CUEDC1: variants seen among roughly 807,000 people sequenced by gnomAD.
CUEDC1 encodes the protein CUE domain containing 1.
Under a neutral mutation model 43.7 loss-of-function variants are expected in CUEDC1, and 30 were observed. That is an observed-to-expected ratio of 0.69 (90% CI 0.51 to 0.93). The LOEUF (loss-of-function observed/expected upper bound fraction) is 0.93. Ranked by LOEUF, CUEDC1 falls within the 40% of genes least tolerant of loss-of-function variation. The probability of loss-of-function intolerance (pLI) is 0.00; values close to 1 mark genes in which losing one functional copy is unlikely to be tolerated. For synonymous variants in CUEDC1, 223 were observed against 223.6 expected (o/e 1.00, Z 0.02); for missense variants, 486 against 549.0 (o/e 0.89, Z 1.15).
intron 2 of CUEDC1, among the ~76,000 whole-genome samples, chr17:57,880,898 A>G (rs1455248035): frequency 6.6e-6 from 1 of 152,144 alleles, no homozygotes; most frequent in Admixed American, 6.5e-5. Context: ...CCTGGCCTAC[A>G]CCTTCGCCTC....
chr17:57,889,021 G>A (rs1030655083), intron 1 of CUEDC1, among the ~76,000 whole-genome samples: 2 of 152,106 alleles, frequency 1.3e-5, no homozygotes, highest in African/African-American at 4.8e-5. Flanking sequence ...TCTGAGTGTT[G>A]AGAAGCTCCA....
chr17:57,873,534 C>T lies in CUEDC1; in HGVS notation c.591+57G>A, dbSNP rs1568029923. On this transcript the variant is annotated intron_variant, in intron 4 of 10. Coordinates refer to ENST00000577830, the MANE Select transcript of CUEDC1 (RefSeq NM_001271875.2). ...AACTGGCTGGCACAAATTGTGTGGGCAAAGAGAGATGCTGGACAAGCAGGT... is the reference window on the plus strand; with the variant it reads ...AACTGGCTGGCACAAATTGTGTGGGTAAAGAGAGATGCTGGACAAGCAGGT... The T allele has an allele frequency of 3.4e-6, 5 of 1,488,380 alleles. No homozygotes were observed. The East Asian group carries it at 1.0e-4, about 30-fold the overall frequency. The allele number at this position is 1,488,380 out of a possible 1,614,324, so 92.2% of individuals were successfully genotyped here.
chr17:57,895,501 A>T (rs1473108094), intron 1 of CUEDC1, among the ~76,000 whole-genome samples: 1 of 152,178 alleles, frequency 6.6e-6, no homozygotes, highest in Non-Finnish European at 1.5e-5. Context: ...TTCCTCACAA[A>T]ACCTTTTTCC....
At chr17:57,886,185 G>A (rs576774729) in intron 1 of CUEDC1, among the ~76,000 whole-genome samples, 43 of 152,320 alleles carry the variant, frequency 2.8e-4, no homozygotes, top group African/African-American at 1.0e-3. Context: ...TTGCAGATGG[G>A]AAAAGTGAGG....
chr17:57,906,588 G>A (rs767965159), intron 1 of CUEDC1, among the ~76,000 whole-genome samples: 40 of 152,140 alleles, frequency 2.6e-4, no homozygotes, highest in African/African-American at 8.2e-4. Flanking sequence ...TGAATTATAC[G>A]CTTAAAAATG....
intron 9 of CUEDC1, chr17:57,866,942 G>A (rs1383505044): frequency 2.8e-6 from 1 of 352,040 alleles, no homozygotes; most frequent in Non-Finnish European, 5.3e-6. Context: ...CTGAGGCAGA[G>A]TCTTCTGGCC....
chr17:57,952,360 G>T (rs2075015205), intron 1 of CUEDC1, among the ~76,000 whole-genome samples: 1 of 151,944 alleles, frequency 6.6e-6, no homozygotes, highest in South Asian at 2.1e-4. Flanking sequence ...CTGAGTAGCT[G>T]GGATTACAGG....
chr17:57,886,979 C>G (rs1360536907), intron 1 of CUEDC1, among the ~76,000 whole-genome samples: 1 of 151,856 alleles, frequency 6.6e-6, no homozygotes, highest in Non-Finnish European at 1.5e-5. Flanking sequence ...CCACCACACC[C>G]GGCTAATTTT....
intron 1 of CUEDC1, among the ~76,000 whole-genome samples, chr17:57,915,806 C>T (rs1181694619): frequency 3.9e-5 from 6 of 152,102 alleles, no homozygotes; most frequent in Admixed American, 2.0e-4. Flanking sequence ...CCTGGGAAGG[C>T]GGAACAAGCT....
chr17:57,885,579 T>C lies in CUEDC1; in HGVS notation c.-15A>G. 1.5e-6 allele frequency: 2 copies of C among 1,346,536 alleles called. No homozygotes were observed. The highest frequency in any genetic ancestry group is 1.5e-5 in the African/African-American group (1 of 64,868). The allele number at this position is 1,346,536 out of a possible 1,614,324, so 83.4% of individuals were successfully genotyped here. On this transcript the variant is annotated 5_prime_UTR_variant, in exon 2 of 11. Coordinates refer to ENST00000577830, the MANE Select transcript of CUEDC1 (RefSeq NM_001271875.2). ...AGGCTGGTCATTTTGCGGAGCCGCT[T>C]GGGGAAAATGTTTCTAGCCGGCCGC... is the stretch of plus-strand genomic sequence containing the variant.
chr17:57,913,732 C>A (rs570659156), intron 1 of CUEDC1, among the ~76,000 whole-genome samples: 120 of 152,286 alleles, frequency 7.9e-4, no homozygotes, highest in African/African-American at 2.8e-3. Flanking sequence ...ACTGACCAGT[C>A]CTCCAGGGAC....
intron 1 of CUEDC1, among the ~76,000 whole-genome samples, chr17:57,909,824 G>A (rs140153053): frequency 1.3e-4 from 20 of 152,368 alleles, no homozygotes; most frequent in Admixed American, 3.9e-4. Flanking sequence ...CAGAGCAATG[G>A]GGAGGAGTCA....
chr17:57,946,597 C>T (rs79429449), intron 1 of CUEDC1, among the ~76,000 whole-genome samples: 6,119 of 151,990 alleles, frequency 0.04, 132 homozygotes, highest in African/African-American at 0.06. Flanking sequence ...AATGCTGCAC[C>T]GTAGAGGCTG....
intron 1 of CUEDC1, among the ~76,000 whole-genome samples, chr17:57,936,611 G>A (rs535144892): frequency 3.3e-4 from 50 of 152,250 alleles, no homozygotes; most frequent in African/African-American, 1.2e-3. Context: ...GCTGGCTCCA[G>A]GGCTGTTTCC....
intron 10 of CUEDC1, among the ~76,000 whole-genome samples, chr17:57,865,801 G>A (rs2073947915): frequency 6.6e-6 from 1 of 150,996 alleles, no homozygotes; most frequent in Admixed American, 6.6e-5. Flanking sequence ...GCCGGGTTGA[G>A]ACCACCTCAG....
chr17:57,942,377 C>CGTTT (rs935074852), intron 1 of CUEDC1, among the ~76,000 whole-genome samples: 29 of 151,860 alleles, frequency 1.9e-4, no homozygotes, highest in Admixed American at 3.9e-4. Flanking sequence ...AGTTTTTTTT[C>CGTTT]GTTTGTTTGT....
At chr17:57,941,491 A>C (rs2074916847) in intron 1 of CUEDC1, among the ~76,000 whole-genome samples, 1 of 152,230 alleles carries the variant, frequency 6.6e-6, no homozygotes, top group Non-Finnish European at 1.5e-5. Context: ...TGTGTGACCT[A>C]CAGGAAGAGC....
intron 1 of CUEDC1, among the ~76,000 whole-genome samples, chr17:57,951,464 C>CTT (rs113568952): frequency 6.8e-6 from 1 of 146,434 alleles, no homozygotes; most frequent in African/African-American, 2.5e-5. Context: ...GGAGTTGGAA[C>CTT]TTTTTTTTTT....
At chr17:57,916,897 G>T (rs2074647756) in intron 1 of CUEDC1, among the ~76,000 whole-genome samples, 1 of 152,154 alleles carries the variant, frequency 6.6e-6, no homozygotes, top group South Asian at 2.1e-4. Flanking sequence ...AGGAGGAGGA[G>T]GGGGTCAAGG....
Sources: allele counts gnomAD v4.1 joint callset (sites outside exome capture counted in the v4.1 genomes callset), GRCh38; gene constraint gnomAD v4.1.1; transcripts MANE v1.5; gene names NCBI Gene and HGNC (gene_info 2026-07-23, HGNC 2026-07-21).